ANKRD17: variants seen among roughly 807,000 people sequenced by gnomAD.
ANKRD17 encodes the protein ankyrin repeat domain 17, also known as ankyrin repeat domain-containing protein 17.
Under a neutral mutation model 229.7 loss-of-function variants are expected in ANKRD17, and 19 were observed. The ratio of observed to expected loss-of-function variants is 0.08; its 90% confidence interval spans 0.06 to 0.12. The LOEUF (loss-of-function observed/expected upper bound fraction) is 0.12. Ranked by LOEUF, ANKRD17 falls within the 10% of genes least tolerant of loss-of-function variation. The probability of loss-of-function intolerance (pLI) is 1.00; values close to 1 mark genes in which losing one functional copy is unlikely to be tolerated. For missense variants in ANKRD17, 2,176 were observed against 3,176.8 expected (o/e 0.68, Z 7.57); for synonymous variants, 1,112 against 1,146.1 (o/e 0.97, Z 0.60).
intron 22 of ANKRD17, among the ~76,000 whole-genome samples, chr4:73,116,183 TCAATA>T (rs893844528): frequency 6.8e-6 from 1 of 147,552 alleles, no homozygotes; most frequent in African/African-American, 2.5e-5. Context: ...AATCCCAAAA[TCAATA>T]CAAAGAGTAG....
intron 16 of ANKRD17, among the ~76,000 whole-genome samples, chr4:73,130,899 TA>T (rs1728111833): frequency 6.6e-6 from 1 of 152,192 alleles, no homozygotes; most frequent in African/African-American, 2.4e-5. Flanking sequence ...TTGTTCCACA[TA>T]AAGCCTGTGG....
chr4:73,191,364 T>TGCGC (rs1553933243), intron 1 of ANKRD17, among the ~76,000 whole-genome samples: 3 of 150,740 alleles, frequency 2.0e-5, no homozygotes, highest in Non-Finnish European at 1.5e-5. Flanking sequence ...TGTGTGTGTG[T>TGCGC]GTGTGTGTGT....
chr4:73,093,448 G>C (rs1229421753), intron 28 of ANKRD17, among the ~76,000 whole-genome samples: 1 of 147,360 alleles, frequency 6.8e-6, no homozygotes, highest in Non-Finnish European at 1.5e-5. Flanking sequence ...CTCGATCTCG[G>C]CTCACCGCAA....
At chr4:73,190,005 C>T (rs910214774) in intron 1 of ANKRD17, among the ~76,000 whole-genome samples, 9 of 152,110 alleles carry the variant, frequency 5.9e-5, no homozygotes, top group Non-Finnish European at 8.8e-5. Context: ...AACAAAAGTA[C>T]GTGATTAAAG....
intron 1 of ANKRD17, among the ~76,000 whole-genome samples, chr4:73,219,013 A>C (rs996908194): frequency 7.3e-5 from 11 of 151,640 alleles, no homozygotes; most frequent in African/African-American, 2.2e-4. Flanking sequence ...GTGAGCTGAG[A>C]TAAGAGTCAC....
intron 1 of ANKRD17, among the ~76,000 whole-genome samples, chr4:73,229,663 T>C (rs1742862589): frequency 6.6e-6 from 1 of 150,608 alleles, no homozygotes; most frequent in South Asian, 2.1e-4. Context: ...ACAGCTGATA[T>C]ACAGGTGGAG....
chr4:73,223,876 A>G (rs997988592), intron 1 of ANKRD17, among the ~76,000 whole-genome samples: 17 of 152,196 alleles, frequency 1.1e-4, no homozygotes, highest in African/African-American at 3.6e-4. Context: ...TCATTCCTGT[A>G]ATTGATCTTC....
intron 2 of ANKRD17, among the ~76,000 whole-genome samples, chr4:73,166,367 G>A (rs1733230496): frequency 6.6e-6 from 1 of 152,160 alleles, no homozygotes; most frequent in Admixed American, 6.5e-5. Context: ...AATAAGTTTG[G>A]CAACACCAGA....
chr4:73,146,915 C>G (rs749173959), intron 9 of ANKRD17, 42 bp from the exon 10 acceptor site: 34 of 1,496,870 alleles, frequency 2.3e-5, no homozygotes, highest in Admixed American at 5.4e-5. Flanking sequence ...AATAAAGGAG[C>G]CATAAGACAT....
chr4:73,170,700 C>A (rs544256496), intron 2 of ANKRD17, among the ~76,000 whole-genome samples: 1 of 152,254 alleles, frequency 6.6e-6, no homozygotes, highest in East Asian at 1.9e-4. Flanking sequence ...GACTGAAGAG[C>A]CCTTGGGCTT....
In ANKRD17 at chr4:73,102,555, A is replaced by G. The variant is rs200561979; in HGVS notation, c.4402-8T>C. 1,186 of 1,587,692 alleles carry G rather than the reference A, an allele frequency of 7.5e-4. 5 individuals carry two copies. Among genetic ancestry groups the G allele is most frequent in the Admixed American group, 1.6e-3 (82 of 51,660 alleles). ...CCGACTTTCTTCCCTTAACTGTTAA[A>G]GATCAATAAAGCAGAAATATAACGT... On this transcript the variant is annotated splice_region_variant and splice_polypyrimidine_tract_variant and intron_variant, in intron 24 of 33. Coordinates refer to ENST00000358602, the MANE Select transcript of ANKRD17 (RefSeq NM_032217.5).
chr4:73,200,394 T>C (rs1738495753), intron 1 of ANKRD17, among the ~76,000 whole-genome samples: 1 of 152,070 alleles, frequency 6.6e-6, no homozygotes, highest in Non-Finnish European at 1.5e-5. Flanking sequence ...CCCAAAAGTG[T>C]AAGACGAGCC....
intron 1 of ANKRD17, among the ~76,000 whole-genome samples, chr4:73,209,210 A>C (rs1739926524): frequency 1.3e-5 from 2 of 152,224 alleles, no homozygotes; most frequent in Non-Finnish European, 2.9e-5. Flanking sequence ...TGGGTCAAAA[A>C]CAAAAAACAA....
chr4:73,228,620 T>C (rs1037779461), intron 1 of ANKRD17, among the ~76,000 whole-genome samples: 11 of 152,238 alleles, frequency 7.2e-5, no homozygotes, highest in Non-Finnish European at 5.9e-5. Context: ...TGGATACTAT[T>C]ATGCATACTT....
intron 1 of ANKRD17, among the ~76,000 whole-genome samples, chr4:73,243,481 AG>A (rs1401628598): frequency 6.6e-6 from 1 of 152,176 alleles, no homozygotes; most frequent in Non-Finnish European, 1.5e-5. Flanking sequence ...CCTCCTACAT[AG>A]GGTGGAGAAA....
intron 1 of ANKRD17, among the ~76,000 whole-genome samples, chr4:73,231,690 A>C (rs550979387): frequency 3.5e-4 from 53 of 152,316 alleles, no homozygotes; most frequent in Middle Eastern, 6.8e-3. Context: ...CTGAAGACTG[A>C]CAGGCCCTAG....
intron 22 of ANKRD17, 51 bp downstream of exon 22, chr4:73,118,637 C>A: frequency 6.3e-7 from 1 of 1,595,612 alleles, no homozygotes; most frequent in Non-Finnish European, 8.6e-7. Flanking sequence ...CCATGTACTT[C>A]CTAGTGTAAG....
Position 73,177,286 on chromosome 4 carries a change from T to A in ANKRD17, c.547+94A>T, listed in dbSNP as rs1578283607. 5.1e-6 allele frequency: 6 copies of A among 1,173,740 alleles called. No homozygotes were observed. The Admixed American group carries it at 1.7e-4, about 33-fold the overall frequency. The allele number at this position is 1,173,740 out of a possible 1,614,324, so 72.7% of individuals were successfully genotyped here. On this transcript the variant is annotated intron_variant, in intron 2 of 33. Coordinates refer to ENST00000358602, the MANE Select transcript of ANKRD17 (RefSeq NM_032217.5). Reference sequence around the variant, plus strand: ...CCTTTATTAATAGTATCATTCTAAATACCCAATATCATTCATTTTTAACAA... The same window carrying A: ...CCTTTATTAATAGTATCATTCTAAAAACCCAATATCATTCATTTTTAACAA...
intron 1 of ANKRD17, among the ~76,000 whole-genome samples, chr4:73,253,657 A>G (rs1031984936): frequency 1.3e-5 from 2 of 152,228 alleles, no homozygotes; most frequent in African/African-American, 4.8e-5. Context: ...CCTAGACTTC[A>G]CAAACAGTAG....
Sources: allele counts gnomAD v4.1 joint callset (sites outside exome capture counted in the v4.1 genomes callset), GRCh38; gene constraint gnomAD v4.1.1; transcripts MANE v1.5; gene names NCBI Gene and HGNC (gene_info 2026-07-23, HGNC 2026-07-21).